PRKCA: variants seen among roughly 807,000 people sequenced by gnomAD.
PRKCA encodes the protein protein kinase C alpha, also known as protein kinase C alpha type.
Under a neutral mutation model 87.0 loss-of-function variants are expected in PRKCA, and 27 were observed. The observed-to-expected ratio is 0.31, with a 90% CI of 0.23 to 0.43. PRKCA has a LOEUF of 0.43. PRKCA is among the 20% of genes least tolerant of loss of function. The pLI, the probability that PRKCA is intolerant of heterozygous loss-of-function variation, is 1.00. For synonymous variants in PRKCA, 329 were observed against 311.1 expected (o/e 1.06, Z -0.61); for missense variants, 518 against 852.3 (o/e 0.61, Z 4.88).
At chr17:66,557,959 C>T (rs1968554048) in intron 3 of PRKCA, among the ~76,000 whole-genome samples, 1 of 152,214 alleles carries the variant, frequency 6.6e-6, no homozygotes, top group African/African-American at 2.4e-5. Context: ...CCCATGCAGT[C>T]CAGACACCTG....
intron 2 of PRKCA, among the ~76,000 whole-genome samples, chr17:66,324,477 G>A (rs953836078): frequency 2.0e-4 from 30 of 151,048 alleles, no homozygotes; most frequent in Non-Finnish European, 4.0e-4. Context: ...GCTGGGCATG[G>A]TGGTGTGTGC....
chr17:66,694,001 TAGGTC>T (rs1471599042), intron 8 of PRKCA, among the ~76,000 whole-genome samples: 3 of 152,046 alleles, frequency 2.0e-5, no homozygotes, highest in Admixed American at 6.5e-5. Context: ...ATGGAAAAAA[TAGGTC>T]AGGATAACTA....
chr17:66,533,031 C>T (rs1282288914), intron 3 of PRKCA, among the ~76,000 whole-genome samples: 2 of 152,168 alleles, frequency 1.3e-5, no homozygotes, highest in Non-Finnish European at 2.9e-5. Flanking sequence ...CTTAGGCAGC[C>T]AACAACACTT....
intron 2 of PRKCA, among the ~76,000 whole-genome samples, chr17:66,394,262 A>G (rs1420197583): frequency 6.6e-6 from 1 of 152,168 alleles, no homozygotes. Flanking sequence ...CCAGGCCAGG[A>G]TCGGAACTGG....
rs563118567 is a variant in PRKCA, at chr17:66,729,595, G to C, written c.919-3093G>C. Among the ~76,000 whole-genome samples, 4 of 152,034 alleles carry C rather than the reference G, an allele frequency of 2.6e-5. No homozygotes were observed. The South Asian group carries it at 8.3e-4, about 32-fold the overall frequency. ...GTTTCCAGTGGCCCCAAATTCACAGGTGTTTCCACTACATGCTGCCAACAA... is the reference window on the plus strand; with the variant it reads ...GTTTCCAGTGGCCCCAAATTCACAGCTGTTTCCACTACATGCTGCCAACAA... On this transcript the variant is annotated intron_variant, in intron 8 of 16. Transcript: ENST00000413366.
chr17:66,485,940 C>T (rs1004562704), intron 2 of PRKCA, among the ~76,000 whole-genome samples: 7 of 152,104 alleles, frequency 4.6e-5, no homozygotes, highest in African/African-American at 7.2e-5. Context: ...TTGTATAGAA[C>T]GTGTTGCAAT....
chr17:66,564,110 G>T (rs141479885), intron 3 of PRKCA, among the ~76,000 whole-genome samples: 75 of 149,188 alleles, frequency 5.0e-4, no homozygotes, highest in African/African-American at 1.8e-3. Flanking sequence ...ACAGAGTCTC[G>T]CTCTGTTGCC....
intron 3 of PRKCA, among the ~76,000 whole-genome samples, chr17:66,592,778 G>A (rs935994944): frequency 2.0e-5 from 3 of 151,600 alleles, no homozygotes; most frequent in Non-Finnish European, 1.5e-5. Flanking sequence ...AAAAAACATC[G>A]ATTCATTTTT....
intron 14 of PRKCA, among the ~76,000 whole-genome samples, chr17:66,786,181 G>C (rs1273268475): frequency 6.6e-6 from 1 of 152,196 alleles, no homozygotes; most frequent in Non-Finnish European, 1.5e-5. Context: ...ACCCAGCTGG[G>C]AAGTTAGTAG....
chr17:66,377,961 G>C (rs1371251971), intron 2 of PRKCA, among the ~76,000 whole-genome samples: 1 of 151,774 alleles, frequency 6.6e-6, no homozygotes, highest in Non-Finnish European at 1.5e-5. Context: ...GGTTTACTGT[G>C]AATGGATAAA....
chr17:66,721,983 T>G (rs994106084), intron 8 of PRKCA, among the ~76,000 whole-genome samples: 2 of 152,200 alleles, frequency 1.3e-5, no homozygotes, highest in Non-Finnish European at 2.9e-5. Flanking sequence ...AGGAGTTCTA[T>G]GATGATGAGA....
intron 8 of PRKCA, among the ~76,000 whole-genome samples, chr17:66,731,494 C>T (rs1054469707): frequency 2.0e-5 from 3 of 152,202 alleles, no homozygotes; most frequent in African/African-American, 7.2e-5. Flanking sequence ...TCCTTCCCGT[C>T]AGGCAGATGT....
chr17:66,544,249 A>G (rs1292210432), intron 3 of PRKCA, among the ~76,000 whole-genome samples: 1 of 151,992 alleles, frequency 6.6e-6, no homozygotes, highest in Admixed American at 6.6e-5. Context: ...AAGATTTCTC[A>G]TGGCCACTTA....
At chr17:66,362,199 G>A (rs1056586031) in intron 2 of PRKCA, among the ~76,000 whole-genome samples, 11 of 152,066 alleles carry the variant, frequency 7.2e-5, no homozygotes, top group African/African-American at 2.7e-4. Context: ...CCACACTGGA[G>A]TAACTTTTTG....
At chr17:66,778,100 G>C in intron 14 of PRKCA, 1 of 985,422 alleles carries the variant, frequency 1.0e-6, no homozygotes, top group Non-Finnish European at 1.2e-6. Context: ...GAGAGCACCA[G>C]GCTCCAGCTC....
chr17:66,688,830 T>C (rs940102748), intron 7 of PRKCA, 121 bp from the exon 8 acceptor site: 7 of 670,692 alleles, frequency 1.0e-5, no homozygotes, highest in Admixed American at 6.1e-5. Context: ...AAAAGTCAAA[T>C]GTCTACTGAT....
At chr17:66,686,560 G>T (rs1300190647) in intron 5 of PRKCA, among the ~76,000 whole-genome samples, 1 of 152,108 alleles carries the variant, frequency 6.6e-6, no homozygotes, top group South Asian at 2.1e-4. Flanking sequence ...TTTAATTCTG[G>T]GGATTAGAAT....
intron 2 of PRKCA, among the ~76,000 whole-genome samples, chr17:66,490,486 G>A (rs1916195184): frequency 6.6e-6 from 1 of 151,952 alleles, no homozygotes; most frequent in African/African-American, 2.4e-5. Flanking sequence ...TGGGATTACA[G>A]GTGCCCACCA....
chr17:66,411,464 A>C (rs908127659), intron 2 of PRKCA, among the ~76,000 whole-genome samples: 1 of 152,142 alleles, frequency 6.6e-6, no homozygotes, highest in Non-Finnish European at 1.5e-5. Context: ...TGTTAAAAAA[A>C]CAAAAAACCA....
Sources: gnomAD v4.1 joint callset for allele counts (sites outside exome capture counted in the v4.1 genomes callset) on GRCh38, gnomAD v4.1.1 for gene constraint, MANE v1.5 for transcripts, NCBI Gene and HGNC (gene_info 2026-07-23, HGNC 2026-07-21) for gene names.